Variants in RALA observed in about 807,000 individuals in gnomAD.
RALA encodes the protein ras-related protein Ral-A.
Under a neutral mutation model 24.0 loss-of-function variants are expected in RALA, and 5 were observed. The observed-to-expected ratio is 0.21, with a 90% confidence interval of 0.11 to 0.44. The LOEUF is 0.44. RALA is among the 20% of genes least tolerant of loss of function. The pLI is 0.99. For missense variants in RALA, 95 were observed against 241.2 expected (o/e 0.39, Z 4.01); for synonymous variants, 77 against 83.8 (o/e 0.92, Z 0.44).
intron 1 of RALA, among the ~76,000 whole-genome samples, chr7:39,635,409 T>C (rs1791670795): frequency 6.6e-6 from 1 of 152,090 alleles, no homozygotes; most frequent in Admixed American, 6.5e-5. Context: ...GTTTTTAATA[T>C]AGTCAGAGTT....
intron 4 of RALA, among the ~76,000 whole-genome samples, chr7:39,699,361 T>C (rs2107709): frequency 0.68 from 102,790 of 150,590 alleles, 36,160 homozygotes; most frequent in African/African-American, 0.86. Flanking sequence ...AGGATGGTCT[T>C]GATCTCCTGA....
intron 1 of RALA, among the ~76,000 whole-genome samples, chr7:39,642,750 T>C (rs1791841976): frequency 6.6e-6 from 1 of 152,226 alleles, no homozygotes; most frequent in South Asian, 2.1e-4. Context: ...GGGAGCAGCA[T>C]TTAGTAGACG....
Position 39,632,281 on chromosome 7 carries a change from GT to G in RALA, c.-38+8464del, listed in dbSNP as rs913924680. ...TATACTATTGTGTCATCTGTAAATA[GT>G]TTTTTTTCCTTCTTTTCCAGTGTTT... is the stretch of plus-strand genomic sequence containing the variant. On this transcript the variant is annotated intron_variant, in intron 1 of 4. Coordinates refer to ENST00000005257, the MANE Select transcript of RALA (RefSeq NM_005402.4). Among the ~76,000 whole-genome samples the G allele has an allele frequency of 6.3e-4, 96 of 151,986 alleles. 2 individuals are homozygous for G. The highest frequency in any genetic ancestry group is 7.3e-4 in the African/African-American group (30 of 41,374).
intron 1 of RALA, among the ~76,000 whole-genome samples, chr7:39,640,882 A>AT (rs1177312521): frequency 6.6e-6 from 1 of 152,158 alleles, no homozygotes; most frequent in African/African-American, 2.4e-5. Flanking sequence ...GCAAAACAGA[A>AT]TTTTGCCATT....
At chr7:39,654,251 G>A (rs10486801) in intron 1 of RALA, among the ~76,000 whole-genome samples, 19,662 of 152,106 alleles carry the variant, frequency 0.13, 1,601 homozygotes, top group South Asian at 0.26. Flanking sequence ...GCATTAAATT[G>A]GTCGTCTTAG....
At chr7:39,699,118 GTTATTTT>G (rs1792970673) in intron 4 of RALA, among the ~76,000 whole-genome samples, 2 of 84,138 alleles carry the variant, frequency 2.4e-5, no homozygotes, top group African/African-American at 9.4e-5. Flanking sequence ...TGCTAAAAAT[GTTATTTT>G]TTTTTTTTTT....
chr7:39,669,459 G>A (rs998783829), intron 1 of RALA, among the ~76,000 whole-genome samples: 1 of 152,062 alleles, frequency 6.6e-6, no homozygotes, highest in African/African-American at 2.4e-5. Flanking sequence ...TTAAAGAGTG[G>A]GATTTAACAG....
At position 39,679,372 on chromosome 7, in the gene RALA, G is replaced by A. The variant is rs994882302; in HGVS notation, c.-37-7259G>A. Among the ~76,000 whole-genome samples the A allele has an allele frequency of 5.3e-5, 8 of 152,232 alleles. No individual in the cohort carries two copies. The East Asian group carries it at 7.7e-4, about 15-fold the overall frequency. Reference sequence around the variant, plus strand: ...ACCATTCTTAACTTACAGGCCATACGAAAACAAGTCAAGGGGGCTCTGGTT... The same window carrying A: ...ACCATTCTTAACTTACAGGCCATACAAAAACAAGTCAAGGGGGCTCTGGTT... On this transcript the variant is annotated intron_variant, in intron 1 of 4. Coordinates refer to ENST00000005257, the MANE Select transcript of RALA (RefSeq NM_005402.4).
chr7:39,628,523 C>T lies in RALA; in HGVS notation c.-38+4698C>T, dbSNP rs1026337415. 5.9e-5 allele frequency among the ~76,000 whole-genome samples: 9 copies of T among 152,264 alleles called. No homozygotes were observed. In the South Asian group the frequency reaches 6.2e-4, roughly 11 times the overall value. ...CGCAGTAATTTTTTTCACAGCATCC[C>T]TAGGTCAAAAGAAACACCTAACAGT... is the stretch of plus-strand genomic sequence containing the variant. On this transcript the variant is annotated intron_variant, in intron 1 of 4. Coordinates refer to ENST00000005257, the MANE Select transcript of RALA (RefSeq NM_005402.4).
chr7:39,653,961 A>C (rs910615967), intron 1 of RALA, among the ~76,000 whole-genome samples: 4 of 152,216 alleles, frequency 2.6e-5, no homozygotes, highest in African/African-American at 9.7e-5. Flanking sequence ...TGAGAAAGAT[A>C]GCTCTCAGCT....
chr7:39,658,411 G>C (rs1792131128), intron 1 of RALA, among the ~76,000 whole-genome samples: 1 of 151,940 alleles, frequency 6.6e-6, no homozygotes. Flanking sequence ...TCAGTCTGTT[G>C]GATATTTTTA....
chr7:39,653,405 C>T lies in RALA; in HGVS notation c.-38+29580C>T, dbSNP rs575485034. 3.3e-5 allele frequency among the ~76,000 whole-genome samples: 5 copies of T among 152,246 alleles called. No individual in the cohort carries two copies. In the South Asian group the frequency reaches 8.3e-4, roughly 25 times the overall value. On this transcript the variant is annotated intron_variant, in intron 1 of 4. Coordinates refer to ENST00000005257, the MANE Select transcript of RALA (RefSeq NM_005402.4). Reference sequence around the variant, plus strand: ...ACAGTGGCACAGTCATGTCTCACTGCAGCTTTGACTACCTGGCTTAAGCCA... The same window carrying T: ...ACAGTGGCACAGTCATGTCTCACTGTAGCTTTGACTACCTGGCTTAAGCCA...
chr7:39,671,807 C>T (rs1792394452), intron 1 of RALA, among the ~76,000 whole-genome samples: 1 of 152,108 alleles, frequency 6.6e-6, no homozygotes, highest in African/African-American at 2.4e-5. Flanking sequence ...TTATTCAGTA[C>T]AATTAGAGTA....
intron 1 of RALA, among the ~76,000 whole-genome samples, chr7:39,665,806 A>T (rs1792278491): frequency 6.6e-6 from 1 of 152,144 alleles, no homozygotes; most frequent in South Asian, 2.1e-4. Context: ...AGTTTCTTCC[A>T]TAGTGGTGAT....
intron 1 of RALA, among the ~76,000 whole-genome samples, chr7:39,665,432 A>G (rs936608174): frequency 6.6e-6 from 1 of 152,108 alleles, no homozygotes; most frequent in African/African-American, 2.4e-5. Context: ...CAGTCAAATA[A>G]GCATTTGTAG....
intron 1 of RALA, among the ~76,000 whole-genome samples, chr7:39,681,302 C>CTTT (rs70996832): frequency 0.031 from 1,549 of 50,026 alleles, 289 homozygotes; most frequent in East Asian, 0.041. Context: ...CACCCTATTC[C>CTTT]TTTTTTTTTT....
At chr7:39,627,055 G>T (rs1791502104) in intron 1 of RALA, among the ~76,000 whole-genome samples, 1 of 151,498 alleles carries the variant, frequency 6.6e-6, no homozygotes, top group Non-Finnish European at 1.5e-5. Flanking sequence ...TTTGAAGAAT[G>T]TGTCCATCTC....
At chr7:39,695,548 A>T (rs1792903124) in intron 3 of RALA, among the ~76,000 whole-genome samples, 1 of 151,782 alleles carries the variant, frequency 6.6e-6, no homozygotes. Context: ...ACAGGTGCAC[A>T]CTACTACACC....
At chr7:39,688,072 C>G (rs890227561) in intron 2 of RALA, among the ~76,000 whole-genome samples, 3 of 152,092 alleles carry the variant, frequency 2.0e-5, no homozygotes, top group Admixed American at 6.6e-5. Flanking sequence ...TTTCTGTTGC[C>G]TGTGTCTCAC....
Sources: allele counts gnomAD v4.1 joint callset (sites outside exome capture counted in the v4.1 genomes callset), GRCh38; gene constraint gnomAD v4.1.1; transcripts MANE v1.5; gene names NCBI Gene and HGNC (gene_info 2026-07-23, HGNC 2026-07-21).